The following ARAP2 variants were observed in gnomAD, a reference collection of about 807,000 sequenced individuals.
ARAP2 encodes ArfGAP with RhoGAP domain, ankyrin repeat and PH domain 2, also known as arf-GAP with Rho-GAP domain, ANK repeat and PH domain-containing protein 2.
Under a neutral mutation model 194.5 loss-of-function variants are expected in ARAP2, and 148 were observed. The ratio of observed to expected loss-of-function variants is 0.76; its 90% CI spans 0.67 to 0.87. ARAP2 has a LOEUF of 0.87. Among genes scored for constraint, ARAP2 ranks in the 40% least tolerant of loss-of-function variants. The probability of loss-of-function intolerance (pLI) is 0.00; values close to 1 mark genes in which losing one functional copy is unlikely to be tolerated. For synonymous variants in ARAP2, 695 were observed against 683.5 expected (o/e 1.02, Z -0.26); for missense variants, 2,128 against 1,989.7 (o/e 1.07, Z -1.32).
intron 31 of ARAP2, among the ~76,000 whole-genome samples, chr4:36,075,360 G>A (rs1190767390): frequency 6.6e-6 from 1 of 152,064 alleles, no homozygotes; most frequent in African/African-American, 2.4e-5. Context: ...ACATCCAAGT[G>A]ATGTGTTCTG....
intron 6 of ARAP2, among the ~76,000 whole-genome samples, chr4:36,202,165 A>G (rs895259529): frequency 6.6e-6 from 1 of 152,126 alleles, no homozygotes; most frequent in African/African-American, 2.4e-5. Context: ...TACAATCTCC[A>G]TACGTATTTA....
At chr4:36,145,774 T>A (rs558377006) in intron 19 of ARAP2, among the ~76,000 whole-genome samples, 1 of 151,942 alleles carries the variant, frequency 6.6e-6, no homozygotes, top group East Asian at 1.9e-4. Context: ...ATTCTCCTAT[T>A]CTAGACCTTT....
chr4:36,187,982 T>C (rs951802996), intron 7 of ARAP2, among the ~76,000 whole-genome samples: 3 of 152,202 alleles, frequency 2.0e-5, no homozygotes, highest in African/African-American at 7.2e-5. Flanking sequence ...TTGTTACTTA[T>C]TAGGAACCAA....
intron 5 of ARAP2, among the ~76,000 whole-genome samples, chr4:36,028,859 A>G (rs190342351): frequency 6.6e-6 from 1 of 151,826 alleles, no homozygotes; most frequent in Admixed American, 6.5e-5. Flanking sequence ...TTTCCCCTAC[A>G]TTTGTATAAC....
At chr4:36,174,607 C>CT (rs776649650) in intron 9 of ARAP2, among the ~76,000 whole-genome samples, 18 of 152,116 alleles carry the variant, frequency 1.2e-4, no homozygotes, top group East Asian at 5.8e-4. Flanking sequence ...ACCTGGGGTG[C>CT]TTTTTTGTGA....
At chr4:36,193,967 C>G (rs1742520533) in intron 6 of ARAP2, among the ~76,000 whole-genome samples, 1 of 152,156 alleles carries the variant, frequency 6.6e-6, no homozygotes, top group Admixed American at 6.5e-5. Flanking sequence ...TAAAGATAAT[C>G]CTTCCACGAA....
At chr4:36,021,310 T>C (rs773660168) in intron 5 of ARAP2, among the ~76,000 whole-genome samples, 2 of 152,166 alleles carry the variant, frequency 1.3e-5, no homozygotes, top group Non-Finnish European at 1.5e-5. Flanking sequence ...AATCATAGGA[T>C]ATAATATGAT....
downstream of ARAP2, chr4:36,065,361 C>T: frequency 5.8e-6 from 3 of 521,678 alleles, no homozygotes; most frequent in South Asian, 4.3e-5. Context: ...GTAGGCCAGG[C>T]CCTTCTTCTC....
chr4:36,131,515 C>A (rs925018269), intron 20 of ARAP2, among the ~76,000 whole-genome samples: 2 of 151,224 alleles, frequency 1.3e-5, no homozygotes, highest in African/African-American at 4.8e-5. Flanking sequence ...CTTTATTATT[C>A]TAACATGCAA....
chr4:36,015,782 C>T (rs1367253449), intron 7 of ARAP2: 4 of 152,128 alleles, frequency 2.6e-5, no homozygotes. Flanking sequence ...CTACAATATG[C>T]TCTGGCCATG....
chr4:36,172,998 TG>T (rs929351468), intron 9 of ARAP2, among the ~76,000 whole-genome samples: 20 of 152,162 alleles, frequency 1.3e-4, no homozygotes, highest in Middle Eastern at 3.4e-3. Flanking sequence ...AACATTATGT[TG>T]GGGGGGAATG....
At chr4:36,135,996 C>T (rs1726613433) in intron 19 of ARAP2, among the ~76,000 whole-genome samples, 2 of 151,732 alleles carry the variant, frequency 1.3e-5, no homozygotes, top group Admixed American at 1.3e-4. Context: ...ATGAGTTGAG[C>T]TGTCTCCTCA....
Position 36,228,691 on chromosome 4 carries a change from C to G in ARAP2, c.796G>C (p.Ala266Pro). Reference sequence around the variant, plus strand: ...AACTTGCTACGACTTCTCACAGGTGCTAGGATTGGTGATGATGGAACATAC... The same window carrying G: ...AACTTGCTACGACTTCTCACAGGTGGTAGGATTGGTGATGATGGAACATAC... The part of the protein sequence containing the change: ...DLYVPSSPIL[A>P]PVRSRSKLVS... Residue 266 changes from alanine (A) to proline (P), a missense_variant, in exon 2 of 33, where the codon GCA becomes CCA. Transcript: ENST00000303965. 6.2e-7 allele frequency: 1 copy of G among 1,614,014 alleles called. No homozygotes were observed. The highest frequency in any genetic ancestry group is 1.1e-5 in the South Asian group (1 of 91,074).
chr4:36,219,849 C>T (rs1748769090), intron 2 of ARAP2, among the ~76,000 whole-genome samples: 1 of 152,026 alleles, frequency 6.6e-6, no homozygotes, highest in South Asian at 2.1e-4. Context: ...TAACCACAGG[C>T]ACAAACATGA....
intron 2 of ARAP2, among the ~76,000 whole-genome samples, chr4:36,220,132 C>G (rs923124131): frequency 6.6e-6 from 1 of 152,190 alleles, no homozygotes; most frequent in Non-Finnish European, 1.5e-5. Flanking sequence ...AAATTTTGTA[C>G]GTCTTTGGTA....
intron 19 of ARAP2, among the ~76,000 whole-genome samples, chr4:36,143,060 A>G (rs1728724089): frequency 6.6e-6 from 1 of 151,716 alleles, no homozygotes; most frequent in African/African-American, 2.4e-5. Flanking sequence ...AGAATACACA[A>G]ACATATGTTT....
At position 36,159,950 on chromosome 4, in the gene ARAP2, G is replaced by A. The variant is rs149670412; in HGVS notation, c.2443-445C>T. On this transcript the variant is annotated intron_variant, in intron 13 of 32. Transcript: ENST00000303965. ...GAATTATTAAGTGCTATGGGAAATT[G>A]AAAGATGAGTGCAAAGCAAATTCAG... 3.8e-3 allele frequency among the ~76,000 whole-genome samples: 583 copies of A among 152,354 alleles called. 6 individuals are homozygous for A. The highest frequency in any genetic ancestry group is 0.013 in the African/African-American group (539 of 41,574).
At chr4:36,243,244 G>A (rs1178369436) in intron 1 of ARAP2, among the ~76,000 whole-genome samples, 1 of 151,876 alleles carries the variant, frequency 6.6e-6, no homozygotes, top group Admixed American at 6.6e-5. Flanking sequence ...GAGCTTGTAA[G>A]TACAATACTA....
intron 1 of ARAP2, among the ~76,000 whole-genome samples, chr4:36,241,129 T>C (rs1355163706): frequency 4.6e-5 from 7 of 152,204 alleles, no homozygotes; most frequent in Non-Finnish European, 7.3e-5. Flanking sequence ...TTTATTCTTC[T>C]AGAGTTTCTA....
Sources: gnomAD v4.1 joint callset for allele counts (sites outside exome capture counted in the v4.1 genomes callset) on GRCh38, gnomAD v4.1.1 for gene constraint, MANE v1.5 for transcripts, NCBI Gene and HGNC (gene_info 2026-07-23, HGNC 2026-07-21) for gene names.